Variants in RAB15 observed in about 807,000 individuals in gnomAD.
The protein encoded by RAB15 is ras-related protein Rab-15.
In RAB15, 13 loss-of-function variants were observed where a neutral mutation model predicts 31.8. The ratio of observed to expected loss-of-function variants is 0.41; its 90% CI spans 0.27 to 0.65. The LOEUF (loss-of-function observed/expected upper bound fraction) is 0.65, where lower values mean the gene tolerates loss of function less well. Ranked by LOEUF, RAB15 falls within the 30% of genes least tolerant of loss-of-function variation. The pLI, the probability that RAB15 is intolerant of heterozygous loss-of-function variation, is 0.32. For synonymous variants in RAB15, 100 were observed against 105.6 expected (o/e 0.95, Z 0.33); for missense variants, 220 against 277.3 (o/e 0.79, Z 1.47).
intron 1 of RAB15, among the ~76,000 whole-genome samples, chr14:64,956,983 A>G: frequency 6.8e-6 from 1 of 147,056 alleles, no homozygotes. Context: ...CCAGGGATGG[A>G]GTGTAGTGGA....
chr14:64,951,739 C>G lies in RAB15; in HGVS notation c.186-76G>C, dbSNP rs1158604751. 11 of 1,333,956 alleles carry G rather than the reference C, an allele frequency of 8.2e-6. No individual in the cohort carries two copies. The allele number at this position is 1,333,956 out of a possible 1,614,324, so 82.6% of individuals were successfully genotyped here. On this transcript the variant is annotated intron_variant, in intron 2 of 6. Coordinates refer to ENST00000533601, the MANE Select transcript of RAB15 (RefSeq NM_001308154.2). The surrounding 1 kb of genome is among the most constrained non-coding windows in gnomAD (Gnocchi z 7.2). ...GGGGAGGGGAAGAGCAGAGCTGTCC[C>G]CTTGTAGGAAAAACTGGGGAGCTAA...
Position 64,952,617 on chromosome 14 carries a change from G to T in RAB15, c.125-46C>A. Reference sequence around the variant, plus strand: ...AGAAAGTTAGAAAGCGTACCCACGAGAAATGAACAGGAAAGGGCCAGGCAA... The same window carrying T: ...AGAAAGTTAGAAAGCGTACCCACGATAAATGAACAGGAAAGGGCCAGGCAA... On this transcript the variant is annotated intron_variant, in intron 1 of 6. Transcript: ENST00000533601. This position sits in a 1 kb window ranked among gnomAD's most constrained non-coding sequence, Gnocchi z 4.2. 7.1e-7 allele frequency: 1 copy of T among 1,405,092 alleles called. No homozygotes were observed. Among genetic ancestry groups the T allele is most frequent in the Non-Finnish European group, 1.0e-6 (1 of 997,722 alleles). The allele number at this position is 1,405,092 out of a possible 1,614,324, so 87.0% of individuals were successfully genotyped here.
chr14:64,952,802 G>A lies in RAB15; in HGVS notation c.125-231C>T, dbSNP rs1886334254. Among the ~76,000 whole-genome samples the A allele has an allele frequency of 6.6e-6, 1 of 152,220 alleles. No individual in the cohort carries two copies. Among genetic ancestry groups the A allele is most frequent in the East Asian group, 1.9e-4 (1 of 5,202 alleles). On this transcript the variant is annotated intron_variant, in intron 1 of 6. Transcript: ENST00000533601. The surrounding 1 kb of genome is among the most constrained non-coding windows in gnomAD (Gnocchi z 4.2). ...AAGTTGCCACAAGTAAAGGCCCTGG[G>A]GGACCCAGAGGAGGGAGAGTGAATC...
Position 64,968,993 on chromosome 14 carries a change from C to T in RAB15, c.124+2960G>A, listed in dbSNP as rs1199303717. Among the ~76,000 whole-genome samples the T allele has an allele frequency of 6.6e-6, 1 of 152,166 alleles. No individual in the cohort carries two copies. Among genetic ancestry groups the T allele is most frequent in the Non-Finnish European group, 1.5e-5 (1 of 68,028 alleles). The stretch of plus-strand genomic sequence containing the variant: ...TCGCAGGCCGTTAAAGTGGAGTACA[C>T]AGTAAATCACAAAAGTACTGGCCTA... On this transcript the variant is annotated intron_variant, in intron 1 of 6. Transcript: ENST00000533601. The surrounding 1 kb of genome is among the most constrained non-coding windows in gnomAD (Gnocchi z 4.9).
At position 64,948,849 on chromosome 14, in the gene RAB15, C is replaced by T. The variant is rs532298865; in HGVS notation, c.415-116G>A. 7.9e-5 allele frequency: 70 copies of T among 881,600 alleles called. No individual in the cohort carries two copies. The highest frequency in any genetic ancestry group is 1.2e-4 in the Non-Finnish European group (64 of 556,158). 54.6% of individuals were successfully genotyped at this position (881,600 alleles called of 1,614,324 possible). A position where few individuals can be genotyped will look rare whatever the true frequency, so the allele number is the denominator to read the frequency against. The stretch of plus-strand genomic sequence containing the variant: ...ACCATGCTGTGTTGTGACGATTTCT[C>T]AGAGTAGATAATTTCTCAGATGGGA... On this transcript the variant is annotated intron_variant, in intron 5 of 6. Transcript: ENST00000533601. This position sits in a 1 kb window ranked among gnomAD's most constrained non-coding sequence, Gnocchi z 7.0.
At position 64,950,354 on chromosome 14, in the gene RAB15, G is replaced by A; in HGVS notation, c.385C>T (p.Arg129Trp). The change falls in exon 5 of 7, where the codon CGG becomes TGG. Residue 129 changes from arginine to tryptophan, a missense_variant. Arg to Trp is a moderately radical substitution (Grantham distance 101). Transcript: ENST00000533601. The surrounding 1 kb of genome is among the most constrained non-coding windows in gnomAD (Gnocchi z 5.6). The part of the protein sequence containing the change: ...IGNKADEEQK[R>W]QVGREQGQQL... ...TGCCCTTGCTCTCTTCCCACCTGCC[G>A]TTTCTGCTCCTCATCAGCCTTATTC... 6.2e-7 allele frequency: 1 copy of A among 1,614,108 alleles called. No individual in the cohort carries two copies. The highest frequency in any genetic ancestry group is 8.5e-7 in the Non-Finnish European group (1 of 1,179,998).
In RAB15 at chr14:64,950,315, C is replaced by A; in HGVS notation, c.414+10G>T. The A allele has an allele frequency of 6.2e-7, 1 of 1,612,414 alleles. No individual in the cohort carries two copies. The highest frequency in any genetic ancestry group is 8.5e-7 in the Non-Finnish European group (1 of 1,178,460). Reference sequence around the variant, plus strand: ...GACCTGGGGTGGACTTGCCTTTTCCCTCCACTTACCTGCTGCCCTTGCTCT... The same window carrying A: ...GACCTGGGGTGGACTTGCCTTTTCCATCCACTTACCTGCTGCCCTTGCTCT... On this transcript the variant is annotated intron_variant, in intron 5 of 6. Coordinates refer to ENST00000533601, the MANE Select transcript of RAB15 (RefSeq NM_001308154.2). The surrounding 1 kb of genome is among the most constrained non-coding windows in gnomAD (Gnocchi z 5.6).
At position 64,947,329 on chromosome 14, in the gene RAB15, T is replaced by C. The variant is rs1300876178; in HGVS notation, c.*1025A>G. The C allele has an allele frequency of 6.5e-6, 1 of 152,714 alleles. No individual in the cohort carries two copies. Among genetic ancestry groups the C allele is most frequent in the African/African-American group, 2.4e-5 (1 of 41,456 alleles). The allele number at this position is 152,714 out of a possible 1,614,324, so 9.5% of individuals were successfully genotyped here. A position where few individuals can be genotyped will look rare whatever the true frequency, so the allele number is the denominator to read the frequency against. ...CTGATACATAGGAGCTAGTCCTTCA[T>C]TTCCAAATGCTCCCCTTTGTGGAGT... On this transcript the variant is annotated 3_prime_UTR_variant, in exon 7 of 7. Transcript: ENST00000533601. The surrounding 1 kb of genome is among the most constrained non-coding windows in gnomAD (Gnocchi z 5.6).
chr14:64,951,001 C>T lies in RAB15; in HGVS notation c.324+73G>A. On this transcript the variant is annotated intron_variant, in intron 4 of 6. Transcript: ENST00000533601. This position sits in a 1 kb window ranked among gnomAD's most constrained non-coding sequence, Gnocchi z 7.2. ...AGCTTCCTGGAAGCATTTGCCTTCC[C>T]ATCTGGCCCTCGCCTTGCCTTCCCC... 2 of 1,614,056 alleles carry T rather than the reference C, an allele frequency of 1.2e-6. No homozygotes were observed. Among genetic ancestry groups the T allele is most frequent in the Middle Eastern group, 1.7e-4 (1 of 6,060 alleles).
rs1376257758 is a variant in RAB15 at position 64,950,852 on chromosome 14, C to G, written c.324+222G>C. ...TCACAGGGAAGACTTGGAACTAATT[C>G]ATTTCCGGGAAAGACACAGCCGTGG... is the stretch of plus-strand genomic sequence containing the variant. On this transcript the variant is annotated intron_variant, in intron 4 of 6. Transcript: ENST00000533601. The surrounding 1 kb of genome is among the most constrained non-coding windows in gnomAD (Gnocchi z 5.6). 1.1e-6 allele frequency: 1 copy of G among 880,686 alleles called. No individual in the cohort carries two copies. The highest frequency in any genetic ancestry group is 2.3e-5 in the Admixed American group (1 of 43,140). 54.6% of individuals were successfully genotyped at this position (880,686 alleles called of 1,614,324 possible).
rs1016883659 is a variant in RAB15 at position 64,954,725 on chromosome 14, T to C, written c.125-2154A>G. Among the ~76,000 whole-genome samples, 1 of 152,210 alleles carries C rather than the reference T, an allele frequency of 6.6e-6. No individual in the cohort carries two copies. The highest frequency in any genetic ancestry group is 6.5e-5 in the Admixed American group (1 of 15,286). On this transcript the variant is annotated intron_variant, in intron 1 of 6. Transcript: ENST00000533601. The surrounding 1 kb of genome is among the most constrained non-coding windows in gnomAD (Gnocchi z 4.3). Reference sequence around the variant, plus strand: ...GCAGAGATTCCAACACAGGTCCATCTATGCTGGAACCCACGCTGCCCCTTG... The same window carrying C: ...GCAGAGATTCCAACACAGGTCCATCCATGCTGGAACCCACGCTGCCCCTTG...
In RAB15 at chr14:64,953,769, G is replaced by C. The variant is rs144753471; in HGVS notation, c.125-1198C>G. The stretch of plus-strand genomic sequence containing the variant: ...CCCAGGGATTCAAGAGCTACGTCTG[G>C]TGGGTTAATTAAGCTTACGTCTTTG... On this transcript the variant is annotated intron_variant, in intron 1 of 6. Transcript: ENST00000533601. The surrounding 1 kb of genome is among the most constrained non-coding windows in gnomAD (Gnocchi z 4.6). 2.0e-6 allele frequency: 2 copies of C among 984,538 alleles called. No individual in the cohort carries two copies. Among genetic ancestry groups the C allele is most frequent in the Non-Finnish European group, 2.4e-6 (2 of 829,154 alleles). 61.0% of individuals were successfully genotyped at this position (984,538 alleles called of 1,614,324 possible).
rs953935552 is a variant in RAB15, at chr14:64,954,240, A to G, written c.125-1669T>C. ...CCATGTGTGCAGAGAAAGAGTGAAGAGAAGGAGGGAGGAAGGGAGGAAGGA... is the reference window on the plus strand; with the variant it reads ...CCATGTGTGCAGAGAAAGAGTGAAGGGAAGGAGGGAGGAAGGGAGGAAGGA... On this transcript the variant is annotated intron_variant, in intron 1 of 6. Coordinates refer to ENST00000533601, the MANE Select transcript of RAB15 (RefSeq NM_001308154.2). The surrounding 1 kb of genome is among the most constrained non-coding windows in gnomAD (Gnocchi z 4.3). 89 of 985,228 alleles carry G rather than the reference A, an allele frequency of 9.0e-5. No homozygotes were observed. Among genetic ancestry groups the G allele is most frequent in the Non-Finnish European group, 1.0e-4 (87 of 829,898 alleles). 61.0% of individuals were successfully genotyped at this position (985,228 alleles called of 1,614,324 possible). A position where few individuals can be genotyped will look rare whatever the true frequency, so the allele number is the denominator to read the frequency against.
intron 1 of RAB15, among the ~76,000 whole-genome samples, chr14:64,969,529 G>T (rs1168893205): frequency 3.9e-5 from 6 of 152,202 alleles, no homozygotes; most frequent in African/African-American, 1.2e-4. Context: ...AGAAAGACAG[G>T]TTTCTTTCTA....
At position 64,951,806 on chromosome 14, in the gene RAB15, G is replaced by A; in HGVS notation, c.186-143C>T. On this transcript the variant is annotated intron_variant, in intron 2 of 6. Coordinates refer to ENST00000533601, the MANE Select transcript of RAB15 (RefSeq NM_001308154.2). The surrounding 1 kb of genome is among the most constrained non-coding windows in gnomAD (Gnocchi z 7.2). ...GATGCTTGGATCCCCACAGGGATCT[G>A]CAGTCAGAGGCCTGGTCATCTGTGC... 2.8e-6 allele frequency: 2 copies of A among 717,316 alleles called. No individual in the cohort carries two copies. The highest frequency in any genetic ancestry group is 3.3e-4 in the Middle Eastern group (1 of 3,000). 44.4% of individuals were successfully genotyped at this position (717,316 alleles called of 1,614,324 possible).
chr14:64,953,952 C>T lies in RAB15; in HGVS notation c.125-1381G>A, dbSNP rs1047800408. 12 of 985,440 alleles carry T rather than the reference C, an allele frequency of 1.2e-5. No individual in the cohort carries two copies. The highest frequency in any genetic ancestry group is 1.3e-5 in the Non-Finnish European group (11 of 829,934). The allele number at this position is 985,440 out of a possible 1,614,324, so 61.0% of individuals were successfully genotyped here. A position where few individuals can be genotyped will look rare whatever the true frequency, so the allele number is the denominator to read the frequency against. On this transcript the variant is annotated intron_variant, in intron 1 of 6. Transcript: ENST00000533601. The surrounding 1 kb of genome is among the most constrained non-coding windows in gnomAD (Gnocchi z 4.6). ...CATCACCACTGCCACTCCACCTCCGCATCAGTTATTTGCCAAATGGGAGAC... is the reference window on the plus strand; with the variant it reads ...CATCACCACTGCCACTCCACCTCCGTATCAGTTATTTGCCAAATGGGAGAC...
Position 64,947,762 on chromosome 14 carries a change from C to G in RAB15, c.*592G>C, listed in dbSNP as rs1885995562. 6.6e-6 allele frequency: 1 copy of G among 152,382 alleles called. No homozygotes were observed. Among genetic ancestry groups the G allele is most frequent in the South Asian group, 2.1e-4 (1 of 4,836 alleles). The allele number at this position is 152,382 out of a possible 1,614,324, so 9.4% of individuals were successfully genotyped here. The stretch of plus-strand genomic sequence containing the variant: ...GGGTGGGGGAAGAGGAAGAAGCACC[C>G]TGTAGCCTTTGGCCCACCCACGAGG... On this transcript the variant is annotated 3_prime_UTR_variant, in exon 7 of 7. Coordinates refer to ENST00000533601, the MANE Select transcript of RAB15 (RefSeq NM_001308154.2). The surrounding 1 kb of genome is among the most constrained non-coding windows in gnomAD (Gnocchi z 5.6).
intron 5 of RAB15, among the ~76,000 whole-genome samples, chr14:64,949,980 G>A (rs1168952345): frequency 6.6e-6 from 1 of 152,094 alleles, no homozygotes; most frequent in African/African-American, 2.4e-5. Context: ...TGGCAGCTAG[G>A]CCTGGATGCT....
At position 64,950,474 on chromosome 14, in the gene RAB15, T is replaced by TA. The variant is rs1359595887; in HGVS notation, c.325-61dup. On this transcript the variant is annotated intron_variant, in intron 4 of 6. Coordinates refer to ENST00000533601, the MANE Select transcript of RAB15 (RefSeq NM_001308154.2). The surrounding 1 kb of genome is among the most constrained non-coding windows in gnomAD (Gnocchi z 5.6). Reference sequence around the variant, plus strand: ...TGCTGCCTGCCCCCCCAATTTTCCCTACAGAGTCTGCACTGCCTCCAGCCC... The same window carrying TA: ...TGCTGCCTGCCCCCCCAATTTTCCCTAACAGAGTCTGCACTGCCTCCAGCCC... 1.4e-6 allele frequency: 2 copies of TA among 1,400,350 alleles called. No homozygotes were observed. The highest frequency in any genetic ancestry group is 4.6e-5 in the East Asian group (2 of 43,776). 86.7% of individuals were successfully genotyped at this position (1,400,350 alleles called of 1,614,324 possible). A position where few individuals can be genotyped will look rare whatever the true frequency, so the allele number is the denominator to read the frequency against.
Sources: gnomAD v4.1 joint callset for allele counts (sites outside exome capture counted in the v4.1 genomes callset) on GRCh38, gnomAD v4.1.1 for gene constraint, Gnocchi (gnomAD v3.1) non-coding constraint, MANE v1.5 for transcripts, NCBI Gene and HGNC (gene_info 2026-07-23, HGNC 2026-07-21) for gene names.